SVOP: variants seen among roughly 807,000 people sequenced by gnomAD.
SVOP encodes the protein SV2 related protein, also known as synaptic vesicle 2-related protein.
In SVOP, 17 loss-of-function variants were observed where a neutral mutation model predicts 69.1. The ratio of observed to expected loss-of-function variants is 0.25; its 90% CI spans 0.17 to 0.37. SVOP has a LOEUF of 0.37. Ranked by LOEUF, SVOP falls within the 10% of genes least tolerant of loss-of-function variation. The probability of loss-of-function intolerance (pLI) is 1.00; values close to 1 mark genes in which losing one functional copy is unlikely to be tolerated. For synonymous variants in SVOP, 238 were observed against 238.6 expected (o/e 1.00, Z 0.02); for missense variants, 435 against 597.5 (o/e 0.73, Z 2.84).
At chr12:108,942,276 T>C (rs1315056050) in intron 7 of SVOP, among the ~76,000 whole-genome samples, 2 of 152,228 alleles carry the variant, frequency 1.3e-5, no homozygotes, top group African/African-American at 4.8e-5. Flanking sequence ...TTCCATGTCT[T>C]AGCTAGTGTG....
At chr12:108,956,361 A>T (rs2039986048) in intron 6 of SVOP, among the ~76,000 whole-genome samples, 1 of 151,894 alleles carries the variant, frequency 6.6e-6, no homozygotes, top group Non-Finnish European at 1.5e-5. Context: ...GTCTTCCCCA[A>T]TCATGATGCT....
chr12:108,933,034 G>A (rs1267635818), intron 11 of SVOP, among the ~76,000 whole-genome samples: 1 of 151,738 alleles, frequency 6.6e-6, no homozygotes, highest in Admixed American at 6.6e-5. Context: ...ACATACCACC[G>A]CAACCAGCTA....
rs573621496 is a variant in SVOP at position 108,973,487 on chromosome 12, G to A, written c.382-1011C>T. Among the ~76,000 whole-genome samples the A allele has an allele frequency of 2.6e-5, 4 of 152,270 alleles. No homozygotes were observed. The East Asian group carries it at 7.7e-4, about 29-fold the overall frequency. On this transcript the variant is annotated intron_variant, in intron 4 of 15. Coordinates refer to ENST00000610966, the MANE Select transcript of SVOP (RefSeq NM_018711.5). ...GTTCACTGCAGCCTCAGCCTCCTGG[G>A]CTCAAGTGATCCTCTCACCTCAGCC...
chr12:108,991,037 G>A (rs1335652312), intron 1 of SVOP, among the ~76,000 whole-genome samples: 4 of 152,184 alleles, frequency 2.6e-5, no homozygotes, highest in African/African-American at 7.2e-5. Context: ...AGCACTGAGG[G>A]ACTGAGCCCC....
At chr12:108,983,575 A>G (rs954241414) in intron 2 of SVOP, 26 bp downstream of exon 2, 3 of 398,646 alleles carry the variant, frequency 7.5e-6, no homozygotes, top group Non-Finnish European at 1.3e-5. Flanking sequence ...GCCCAGGCTG[A>G]TTCCCCAACT....
At position 108,940,861 on chromosome 12, in the gene SVOP, C is replaced by T. The variant is rs369159992; in HGVS notation, c.691G>A (p.Val231Met). 2.7e-5 allele frequency: 41 copies of T among 1,536,938 alleles called. No homozygotes were observed. The highest frequency in any genetic ancestry group is 4.1e-5 in the African/African-American group (3 of 72,988). The change falls in exon 8 of 16, where the codon GTG becomes ATG. Residue 231 changes from valine (V) to methionine (M), a missense_variant. Transcript: ENST00000610966. ...CAACGCCAGCCCAGGCTGGGCATCA[C>T]GAACACAGCCAGGACGACCTCGAAC... ...TVFEVVLAVF[V>M]MPSLGWRWLL...
At chr12:108,956,097 G>A (rs1044845229) in intron 6 of SVOP, among the ~76,000 whole-genome samples, 8 of 151,926 alleles carry the variant, frequency 5.3e-5, no homozygotes, top group East Asian at 1.9e-4. Flanking sequence ...TCAGGAGATC[G>A]AGACCATCCT....
At chr12:108,913,762 C>T (rs546292638) in intron 15 of SVOP, among the ~76,000 whole-genome samples, 2 of 152,304 alleles carry the variant, frequency 1.3e-5, no homozygotes, top group African/African-American at 4.8e-5. Context: ...AATTTTTCTG[C>T]CTCAGCCTTT....
chr12:108,959,257 T>G (rs978887753), intron 6 of SVOP, among the ~76,000 whole-genome samples: 2 of 152,052 alleles, frequency 1.3e-5, no homozygotes, highest in Non-Finnish European at 2.9e-5. Flanking sequence ...GAACTCTCAG[T>G]GGCTCCTCAT....
At chr12:108,937,416 G>T in intron 9 of SVOP, 79 bp from the exon 10 acceptor site, 1 of 1,356,994 alleles carries the variant, frequency 7.4e-7, no homozygotes, top group Non-Finnish European at 1.1e-6. Flanking sequence ...TGAGACTAGT[G>T]CACACCAGGC....
In SVOP at chr12:109,011,543, G is replaced by T. The variant is rs2135631203; in HGVS notation, c.35+9291C>A. Among the ~76,000 whole-genome samples the T allele has an allele frequency of 3.9e-5, 6 of 152,252 alleles. No homozygotes were observed. The South Asian group carries it at 1.2e-3, about 32-fold the overall frequency. ...CACGTGTGCCTTTGCCACCTCCTCT[G>T]GTCCTGTGTCTCTATGCAGAGCTTC... On this transcript the variant is annotated intron_variant, in intron 1 of 15. Coordinates refer to ENST00000610966, the MANE Select transcript of SVOP (RefSeq NM_018711.5).
chr12:108,952,662 C>A (rs145328880), intron 6 of SVOP, among the ~76,000 whole-genome samples: 2,444 of 152,160 alleles, frequency 0.016, 30 homozygotes, highest in Middle Eastern at 0.082. Context: ...CACAGTGAGA[C>A]CGCCCACCCT....
chr12:108,914,756 C>G (rs1171461322), intron 15 of SVOP, among the ~76,000 whole-genome samples: 1 of 151,746 alleles, frequency 6.6e-6, no homozygotes, highest in Non-Finnish European at 1.5e-5. Context: ...GGGGGTTTCA[C>G]CATGTTGGCC....
In SVOP at chr12:108,940,658, T is replaced by G. The variant is rs147511377; in HGVS notation, c.768+126A>C. 1,058 of 1,389,480 alleles carry G rather than the reference T, an allele frequency of 7.6e-4. 6 individuals are homozygous for G. The African/African-American group carries it at 0.013, about 17-fold the overall frequency. 86.1% of individuals were successfully genotyped at this position (1,389,480 alleles called of 1,614,324 possible). ...CAGGCCATAGCTCCCTTGTCTCATTTCCTGATTTAAAAAAAATAATCTTGA... is the reference window on the plus strand; with the variant it reads ...CAGGCCATAGCTCCCTTGTCTCATTGCCTGATTTAAAAAAAATAATCTTGA... On this transcript the variant is annotated intron_variant, in intron 8 of 15. Coordinates refer to ENST00000610966, the MANE Select transcript of SVOP (RefSeq NM_018711.5).
intron 7 of SVOP, among the ~76,000 whole-genome samples, chr12:108,944,630 T>A (rs1213971916): frequency 1.3e-5 from 2 of 151,976 alleles, no homozygotes; most frequent in Admixed American, 1.3e-4. Flanking sequence ...AGAAAATGGG[T>A]CACAAGACCC....
At position 108,940,796 on chromosome 12, in the gene SVOP, G is replaced by A. The variant is rs947694278; in HGVS notation, c.756C>T (p.Ala252=). 12 of 1,537,160 alleles carry A rather than the reference G, an allele frequency of 7.8e-6. No homozygotes were observed. The highest frequency in any genetic ancestry group is 1.7e-4 in the Middle Eastern group (1 of 5,988). The change falls in exon 8 of 16, where the codon GCC becomes GCT. Residue 252 remains alanine, a synonymous_variant. Coordinates refer to ENST00000610966, the MANE Select transcript of SVOP (RefSeq NM_018711.5). ...ILSAVPLLLF[A]VLCFWLPESA... The stretch of plus-strand genomic sequence containing the variant: ...AAAGGATACCTACGAAACACAGCAC[G>A]GCAAAGAGGAGGAGCGGGACAGCTG...
rs1172708371 is a variant in SVOP at position 108,978,621 on chromosome 12, C to T, written c.239G>A (p.Gly80Glu). The T allele has an allele frequency of 1.4e-6, 1 of 703,994 alleles. No individual in the cohort carries two copies. The allele number at this position is 703,994 out of a possible 1,614,324, so 43.6% of individuals were successfully genotyped here. ...VEDAVEAIGFGKFQWKLSVLT... is the reference protein window; with the variant it reads ...VEDAVEAIGFEKFQWKLSVLT... ...AACAGACAGCTTCCACTGAAATTTT[C>T]CAAAGCCAATGGCTTCCACTGCATC... The change falls in exon 3 of 16, where the codon GGA becomes GAA. Residue 80 changes from glycine (G) to glutamate (E), a missense_variant. Physicochemically the swap from Gly to Glu is moderately conservative, Grantham distance 98. Transcript: ENST00000610966.
chr12:108,958,836 C>G (rs2040000516), intron 6 of SVOP, among the ~76,000 whole-genome samples: 1 of 152,044 alleles, frequency 6.6e-6, no homozygotes, highest in Non-Finnish European at 1.5e-5. Context: ...GGCCTAGCCC[C>G]CCCGCCCCAA....
chr12:108,997,620 G>C (rs866802344), intron 1 of SVOP, among the ~76,000 whole-genome samples: 2 of 151,392 alleles, frequency 1.3e-5, no homozygotes, highest in Non-Finnish European at 1.5e-5. Context: ...ATCTGAGAAC[G>C]GGCAGACTGC....
Sources: allele counts gnomAD v4.1 joint callset (sites outside exome capture counted in the v4.1 genomes callset), GRCh38; gene constraint gnomAD v4.1.1; transcripts MANE v1.5; gene names NCBI Gene and HGNC (gene_info 2026-07-23, HGNC 2026-07-21).